The following CPPED1 variants were observed in gnomAD, a reference collection of about 807,000 sequenced individuals.
The protein encoded by CPPED1 is calcineurin like phosphoesterase domain containing 1.
A neutral mutation model predicts 28.0 loss-of-function variants in CPPED1; 28 were observed. The observed-to-expected ratio is 1.00, with a 90% confidence interval of 0.74 to 1.37. CPPED1 has a LOEUF of 1.37. Ranked by LOEUF, CPPED1 falls within the 40% of genes most tolerant of loss-of-function variation. The probability of loss-of-function intolerance (pLI) is 0.00; values close to 1 mark genes in which losing one functional copy is unlikely to be tolerated. For synonymous variants in CPPED1, 198 were observed against 180.2 expected, an observed-to-expected ratio of 1.10 and a Z score of -0.79; for missense variants, 504 against 416.5, an observed-to-expected ratio of 1.21 and a Z score of -1.83.
chr16:12,675,667 A>G (rs140416871), intron 3 of CPPED1, among the ~76,000 whole-genome samples: 3 of 152,362 alleles, frequency 2.0e-5, no homozygotes, highest in African/African-American at 7.2e-5. Flanking sequence ...AAGTGTAAAC[A>G]CATTCCAACT....
intron 2 of CPPED1, among the ~76,000 whole-genome samples, chr16:12,774,866 G>C (rs2080488713): frequency 6.6e-6 from 1 of 152,176 alleles, no homozygotes; most frequent in South Asian, 2.1e-4. Context: ...CTGTCACCCA[G>C]GCTGGAGTGC....
chr16:12,795,157 C>A (rs962877344), intron 1 of CPPED1, among the ~76,000 whole-genome samples: 1 of 152,192 alleles, frequency 6.6e-6, no homozygotes, highest in Admixed American at 6.5e-5. Flanking sequence ...GTAGAAGGCG[C>A]CTTCTCTGGG....
At chr16:12,673,085 C>T (rs1471083419) in intron 3 of CPPED1, among the ~76,000 whole-genome samples, 1 of 152,086 alleles carries the variant, frequency 6.6e-6, no homozygotes, top group South Asian at 2.1e-4. Flanking sequence ...GGCAGGGTGG[C>T]GTGACAGATG....
At chr16:12,677,626 G>GC (rs1194953788) in intron 3 of CPPED1, among the ~76,000 whole-genome samples, 1 of 152,220 alleles carries the variant, frequency 6.6e-6, no homozygotes, top group Non-Finnish European at 1.5e-5. Flanking sequence ...TGGTGGCAGA[G>GC]CGAGACTCTG....
At chr16:12,755,130 A>C (rs139078477) in intron 2 of CPPED1, among the ~76,000 whole-genome samples, 19 of 152,294 alleles carry the variant, frequency 1.2e-4, no homozygotes, top group African/African-American at 4.3e-4. Context: ...TCCTGGACAT[A>C]AAGTGGCAAA....
In CPPED1 at chr16:12,783,209, A is replaced by C. The variant is rs899766757; in HGVS notation, c.71-1806T>G. ...TAAGAGTGAGGCAACGGCTAGTTTA[A>C]ATTAGACAGACAGGGCCAGGCGCCA... On this transcript the variant is annotated intron_variant, in intron 1 of 3. Coordinates refer to ENST00000381774, the MANE Select transcript of CPPED1 (RefSeq NM_018340.3). 1.1e-4 allele frequency among the ~76,000 whole-genome samples: 17 copies of C among 152,328 alleles called. No homozygotes were observed. In the East Asian group the frequency reaches 3.3e-3, roughly 29 times the overall value.
intron 2 of CPPED1, among the ~76,000 whole-genome samples, chr16:12,760,173 T>C (rs1033761911): frequency 6.6e-6 from 1 of 152,226 alleles, no homozygotes; most frequent in Non-Finnish European, 1.5e-5. Flanking sequence ...TGTGTAGCAC[T>C]GTATTGGGTA....
intron 2 of CPPED1, among the ~76,000 whole-genome samples, chr16:12,717,672 G>A (rs188213145): frequency 1.2e-4 from 18 of 152,166 alleles, no homozygotes; most frequent in East Asian, 1.9e-4. Context: ...ACAGAGTCTC[G>A]CTCTGTTGCA....
intron 3 of CPPED1, among the ~76,000 whole-genome samples, chr16:12,703,366 G>A (rs1596452558): frequency 6.6e-6 from 1 of 152,306 alleles, no homozygotes; most frequent in East Asian, 1.9e-4. Flanking sequence ...GACTAAATCC[G>A]TTACTCTCTC....
In CPPED1 at chr16:12,682,710, A is replaced by T. The variant is rs1248803950; in HGVS notation, c.716-17595T>A. 2.0e-5 allele frequency among the ~76,000 whole-genome samples: 3 copies of T among 152,274 alleles called. No homozygotes were observed. The highest frequency in any genetic ancestry group is 4.4e-5 in the Non-Finnish European group (3 of 68,040). On this transcript the variant is annotated intron_variant, in intron 3 of 3. Transcript: ENST00000381774. The surrounding 1 kb of genome is among the most constrained non-coding windows in gnomAD (Gnocchi z 6.1). ...CGTGTCTTGTACTCAGGCAGCACTC[A>T]ATAATTATACTTTCCTCTCATCCTT... is the stretch of plus-strand genomic sequence containing the variant.
At chr16:12,782,506 G>A (rs945064209) in intron 1 of CPPED1, among the ~76,000 whole-genome samples, 5 of 150,212 alleles carry the variant, frequency 3.3e-5, no homozygotes, top group South Asian at 2.1e-4. Flanking sequence ...GCCTGCTAGC[G>A]CTTAGTGGTG....
chr16:12,704,909 G>A lies in CPPED1; in HGVS notation c.430C>T (p.Arg144Trp), dbSNP rs771167301. 6 of 1,614,010 alleles carry A rather than the reference G, an allele frequency of 3.7e-6. No individual in the cohort carries two copies. Among genetic ancestry groups the A allele is most frequent in the Admixed American group, 3.3e-5 (2 of 59,996 alleles). Residue 144 changes from arginine to tryptophan, a missense_variant, in exon 3 of 4, where the codon CGG becomes TGG. Coordinates refer to ENST00000381774, the MANE Select transcript of CPPED1 (RefSeq NM_018340.3). ...CTGAAGTAGTCATCTCCCCAAGTCC[G>A]GCAGAACTCCTCGACGGTCTCGGCC... is the stretch of plus-strand genomic sequence containing the variant. ...PTAETVEEFC[R>W]TWGDDYFSFW...
chr16:12,677,608 C>T (rs550056348), intron 3 of CPPED1, among the ~76,000 whole-genome samples: 2 of 152,256 alleles, frequency 1.3e-5, no homozygotes, highest in South Asian at 4.1e-4. Flanking sequence ...TGCCACTGCA[C>T]TCCAGTTTGG....
rs150425936 is a variant in CPPED1 at position 12,756,731 on chromosome 16, G to T, written c.289+24454C>A. The stretch of plus-strand genomic sequence containing the variant: ...AAATTAAAAAAATAAAATTAAAACA[G>T]TGAGTGATTCCCTTGACACATGCCA... On this transcript the variant is annotated intron_variant, in intron 2 of 3. Transcript: ENST00000381774. 2.6e-5 allele frequency among the ~76,000 whole-genome samples: 4 copies of T among 152,106 alleles called. No homozygotes were observed. The East Asian group carries it at 7.7e-4, about 29-fold the overall frequency.
intron 2 of CPPED1, among the ~76,000 whole-genome samples, chr16:12,728,932 A>G (rs1228630789): frequency 6.6e-6 from 1 of 152,124 alleles, no homozygotes; most frequent in Non-Finnish European, 1.5e-5. Flanking sequence ...CTGGGGCGGG[A>G]CCTGGATAGT....
At chr16:12,701,027 A>G (rs1012590164) in intron 3 of CPPED1, among the ~76,000 whole-genome samples, 8 of 152,046 alleles carry the variant, frequency 5.3e-5, no homozygotes, top group African/African-American at 1.2e-4. Context: ...CAGGAATTTG[A>G]TATCAGCCTG....
intron 2 of CPPED1, among the ~76,000 whole-genome samples, chr16:12,773,107 A>G (rs913251805): frequency 2.0e-5 from 3 of 152,216 alleles, no homozygotes; most frequent in Admixed American, 6.5e-5. Context: ...GGGGTTATGT[A>G]CAAGTGCAAG....
intron 3 of CPPED1, among the ~76,000 whole-genome samples, chr16:12,689,166 C>A (rs11865819): frequency 0.016 from 2,284 of 144,258 alleles, 52 homozygotes; most frequent in African/African-American, 0.054. Context: ...TGTATGACAT[C>A]ATCTTATGCT....
At chr16:12,717,938 G>A (rs1352629517) in intron 2 of CPPED1, among the ~76,000 whole-genome samples, 4 of 152,038 alleles carry the variant, frequency 2.6e-5, no homozygotes, top group South Asian at 2.1e-4. Context: ...CACTGCACCC[G>A]ACTTGTTCCT....
Sources: allele counts gnomAD v4.1 joint callset (sites outside exome capture counted in the v4.1 genomes callset), GRCh38; gene constraint gnomAD v4.1.1; non-coding constraint Gnocchi (gnomAD v3.1); transcripts MANE v1.5; gene names NCBI Gene and HGNC (gene_info 2026-07-23, HGNC 2026-07-21).